The following PMF1 variants were observed in gnomAD, a reference collection of about 807,000 sequenced individuals.
The protein encoded by PMF1 is polyamine-modulated factor 1.
A neutral mutation model predicts 26.7 loss-of-function variants in PMF1; 21 were observed. The ratio of observed to expected loss-of-function variants is 0.79; its 90% CI spans 0.56 to 1.13. The LOEUF (loss-of-function observed/expected upper bound fraction) is 1.13, where lower values mean the gene tolerates loss of function less well. Ranked by LOEUF, PMF1 falls within the 50% of genes most tolerant of loss-of-function variation. The pLI is 0.00. For synonymous variants in PMF1, 105 were observed against 101.0 expected (o/e 1.04, Z -0.24); for missense variants, 266 against 254.9 (o/e 1.04, Z -0.30).
chr1:156,234,143 C>T (rs116496251), intron 3 of PMF1, among the ~76,000 whole-genome samples: 425 of 152,312 alleles, frequency 2.8e-3, no homozygotes, highest in African/African-American at 9.8e-3. Context: ...CTTGTTGCCC[C>T]TGAGAGAGAA....
intron 3 of PMF1, among the ~76,000 whole-genome samples, chr1:156,234,084 A>T (rs932003845): frequency 1.3e-5 from 2 of 152,208 alleles, no homozygotes; most frequent in East Asian, 3.8e-4. Context: ...CTCTAAAAAA[A>T]ACTTTTAAAA....
intron 3 of PMF1, among the ~76,000 whole-genome samples, chr1:156,235,173 A>G (rs1658934306): frequency 6.6e-6 from 1 of 150,412 alleles, no homozygotes; most frequent in Non-Finnish European, 1.5e-5. Flanking sequence ...AGGCCAGGCT[A>G]GAGTACAGTG....
In PMF1 at chr1:156,219,967, C is replaced by CT. The variant is rs796375492; in HGVS notation, c.161+6805dup. On this transcript the variant is annotated intron_variant, in intron 1 of 4. Transcript: ENST00000368277. ...GTTTTGATATGTTGCCCATGCTGGT[C>CT]TTTTTTTTTTTTTTGAGATGGAGTC... is the stretch of plus-strand genomic sequence containing the variant. Among the ~76,000 whole-genome samples the CT allele has an allele frequency of 2.4e-3, 307 of 127,306 alleles. 1 individual carries two copies. Among genetic ancestry groups the CT allele is most frequent in the South Asian group, 5.0e-3 (20 of 3,986 alleles). 83.5% of individuals were successfully genotyped at this position (127,306 alleles called of 152,430 possible).
intron 1 of PMF1, among the ~76,000 whole-genome samples, chr1:156,231,166 G>A (rs1196045329): frequency 7.2e-6 from 1 of 138,666 alleles, no homozygotes; most frequent in East Asian, 2.2e-4. Flanking sequence ...GCAGTGAGCC[G>A]AGATCGCGCC....
intron 1 of PMF1, among the ~76,000 whole-genome samples, chr1:156,226,082 T>A (rs1658356081): frequency 6.6e-6 from 1 of 152,182 alleles, no homozygotes; most frequent in Non-Finnish European, 1.5e-5. Context: ...CTCAAGCTCC[T>A]GACCTCAAGT....
intron 1 of PMF1, chr1:156,225,449 C>T (rs920590755): frequency 3.1e-6 from 2 of 654,494 alleles, no homozygotes; most frequent in Admixed American, 2.2e-5. Flanking sequence ...CCCTCACCCC[C>T]CTCCCACCCT....
chr1:156,232,288 C>T (rs1402132546), intron 1 of PMF1, 32 bp from the exon 2 acceptor site: 2 of 1,609,076 alleles, frequency 1.2e-6, no homozygotes, highest in East Asian at 2.2e-5. Flanking sequence ...ATGCTTGGCC[C>T]TCCCCACCTT....
chr1:156,222,744 T>C (rs1188333377), intron 1 of PMF1, among the ~76,000 whole-genome samples: 2 of 152,178 alleles, frequency 1.3e-5, no homozygotes, highest in Admixed American at 1.3e-4. Context: ...CTCAAACTCC[T>C]AACCTCAGGT....
chr1:156,220,120 C>A (rs373658768), intron 1 of PMF1, among the ~76,000 whole-genome samples: 2 of 152,134 alleles, frequency 1.3e-5, no homozygotes, highest in South Asian at 4.2e-4. Context: ...CCCGCCACCA[C>A]GCCCGGCTAA....
chr1:156,239,747 A>G lies in PMF1; in HGVS notation c.*146A>G, dbSNP rs965809067. The G allele has an allele frequency of 3.0e-6, 2 of 668,680 alleles. No individual in the cohort carries two copies. Among genetic ancestry groups the G allele is most frequent in the African/African-American group, 1.8e-5 (1 of 55,836 alleles). 41.4% of individuals were successfully genotyped at this position (668,680 alleles called of 1,614,324 possible). ...ATGGAATTTGCTGGAGGACTAGGCCAGAGCAAGCCTCACTGCCACTGTGCC... is the reference window on the plus strand; with the variant it reads ...ATGGAATTTGCTGGAGGACTAGGCCGGAGCAAGCCTCACTGCCACTGTGCC... On this transcript the variant is annotated 3_prime_UTR_variant, in exon 5 of 5. Transcript: ENST00000368277.
chr1:156,222,800 A>AGCCACC (rs10689535), intron 1 of PMF1, among the ~76,000 whole-genome samples: 57,368 of 151,724 alleles, frequency 0.38, 11,282 homozygotes, highest in African/African-American at 0.49. Flanking sequence ...TACAGGCGTG[A>AGCCACC]GTGTATGGCG....
At chr1:156,231,617 C>A (rs1176518163) in intron 1 of PMF1, among the ~76,000 whole-genome samples, 3 of 151,106 alleles carry the variant, frequency 2.0e-5, no homozygotes, top group African/African-American at 7.3e-5. Context: ...GTAGGAGAAT[C>A]GCTTGAACCC....
chr1:156,230,880 T>C (rs2842870), intron 1 of PMF1, among the ~76,000 whole-genome samples: 60,180 of 150,904 alleles, frequency 0.4, 12,438 homozygotes, highest in African/African-American at 0.52. Flanking sequence ...GTCTGGGCAA[T>C]ACAGTGAGAC....
At chr1:156,230,100 C>T (rs1658610769) in intron 1 of PMF1, among the ~76,000 whole-genome samples, 1 of 152,144 alleles carries the variant, frequency 6.6e-6, no homozygotes, top group African/African-American at 2.4e-5. Context: ...AAGGGAGGAC[C>T]CAGCAGTGAC....
chr1:156,236,727 G>A (rs1572507214), intron 4 of PMF1: 5 of 568,330 alleles, frequency 8.8e-6, no homozygotes, highest in East Asian at 2.9e-5. Flanking sequence ...TGGAGCAGGT[G>A]AGGACCCAGG....
At chr1:156,234,209 T>G (rs1658874478) in intron 3 of PMF1, among the ~76,000 whole-genome samples, 1 of 152,186 alleles carries the variant, frequency 6.6e-6, no homozygotes, top group Non-Finnish European at 1.5e-5. Flanking sequence ...CGAAAACTGT[T>G]GTACCGCATA....
intron 1 of PMF1, among the ~76,000 whole-genome samples, chr1:156,227,660 CTCAT>C (rs1279429174): frequency 6.7e-6 from 1 of 150,236 alleles, no homozygotes; most frequent in Non-Finnish European, 1.5e-5. Context: ...CCATGCCTGG[CTCAT>C]TTTTTATATT....
intron 1 of PMF1, among the ~76,000 whole-genome samples, chr1:156,221,238 C>T (rs572340319): frequency 6.6e-6 from 1 of 152,314 alleles, no homozygotes; most frequent in East Asian, 1.9e-4. Context: ...CCCGGGCTAC[C>T]TCTTGTGCCC....
At chr1:156,237,755 G>A (rs1471418856) in intron 4 of PMF1, among the ~76,000 whole-genome samples, 2 of 149,328 alleles carry the variant, frequency 1.3e-5, no homozygotes, top group East Asian at 4.0e-4. Context: ...CCCCAGAAAT[G>A]TTCTATTTCA....
Sources: gnomAD v4.1 joint callset for allele counts (sites outside exome capture counted in the v4.1 genomes callset) on GRCh38, gnomAD v4.1.1 for gene constraint, MANE v1.5 for transcripts, NCBI Gene and HGNC (gene_info 2026-07-23, HGNC 2026-07-21) for gene names.